CSMD1: variants seen among roughly 807,000 people sequenced by gnomAD.
CSMD1 encodes the protein CUB and sushi domain-containing protein 1.
In CSMD1, 213 loss-of-function variants were observed where a neutral mutation model predicts 417.5. That is an observed-to-expected ratio of 0.51 (90% confidence interval 0.46 to 0.57). CSMD1 has a LOEUF of 0.57. Among genes scored for constraint, CSMD1 ranks in the 20% least tolerant of loss-of-function variants. The pLI is 0.00. For synonymous variants in CSMD1, 2,862 were observed against 1,736.8 expected (o/e 1.65, Z -16.11); for missense variants, 6,923 against 4,529.7 (o/e 1.53, Z -15.17).
chr8:2,990,919 C>G (rs528640343), intron 54 of CSMD1, among the ~76,000 whole-genome samples: 26 of 152,320 alleles, frequency 1.7e-4, no homozygotes, highest in Admixed American at 1.2e-3. Context: ...CGCAGAACTG[C>G]TCTGGTCTTT....
chr8:3,163,085 T>C (rs746029675), intron 37 of CSMD1, among the ~76,000 whole-genome samples: 1 of 152,216 alleles, frequency 6.6e-6, no homozygotes, highest in Non-Finnish European at 1.5e-5. Context: ...CATTATGAGA[T>C]GAGCAAGTTC....
chr8:4,322,122 G>A (rs1799303940), intron 3 of CSMD1, among the ~76,000 whole-genome samples: 5 of 151,990 alleles, frequency 3.3e-5, no homozygotes, highest in Admixed American at 2.0e-4. Flanking sequence ...TAAAATATTG[G>A]ATCATTTTAT....
intron 37 of CSMD1, among the ~76,000 whole-genome samples, chr8:3,174,595 A>G (rs1820791762): frequency 6.6e-6 from 1 of 152,258 alleles, no homozygotes; most frequent in Non-Finnish European, 1.5e-5. Context: ...AACCTTTTAG[A>G]ATATAGAACT....
intron 5 of CSMD1, among the ~76,000 whole-genome samples, chr8:3,865,383 C>A (rs991096071): frequency 6.6e-6 from 1 of 152,144 alleles, no homozygotes; most frequent in Non-Finnish European, 1.5e-5. Context: ...TGAACACATT[C>A]CCTCAGTCCC....
chr8:4,678,359 C>A (rs1225973830), intron 1 of CSMD1, among the ~76,000 whole-genome samples: 1 of 151,912 alleles, frequency 6.6e-6, no homozygotes, highest in Non-Finnish European at 1.5e-5. Flanking sequence ...TGCAGTGAGC[C>A]AAGATCATGT....
At chr8:3,723,162 C>A (rs879483912) in intron 6 of CSMD1, among the ~76,000 whole-genome samples, 1 of 152,138 alleles carries the variant, frequency 6.6e-6, no homozygotes, top group Non-Finnish European at 1.5e-5. Flanking sequence ...CATCTTCTTG[C>A]TGGCTAATGA....
At chr8:4,173,819 C>A (rs1797894206) in intron 3 of CSMD1, among the ~76,000 whole-genome samples, 1 of 152,130 alleles carries the variant, frequency 6.6e-6, no homozygotes, top group Non-Finnish European at 1.5e-5. Flanking sequence ...GAGGAACAAT[C>A]TGATCAGGCT....
chr8:4,038,151 G>T (rs1013180292), intron 3 of CSMD1, among the ~76,000 whole-genome samples: 2 of 152,082 alleles, frequency 1.3e-5, no homozygotes, highest in Non-Finnish European at 2.9e-5. Context: ...GTGACACAAA[G>T]TTATAAATTT....
chr8:3,647,198 C>T (rs1797619055), intron 7 of CSMD1, among the ~76,000 whole-genome samples: 1 of 152,120 alleles, frequency 6.6e-6, no homozygotes, highest in African/African-American at 2.4e-5. Context: ...ATGTGAAAAC[C>T]TGCACTCTTT....
At chr8:3,595,784 G>A (rs1157545412) in intron 8 of CSMD1, among the ~76,000 whole-genome samples, 1 of 152,182 alleles carries the variant, frequency 6.6e-6, no homozygotes, top group Admixed American at 6.5e-5. Context: ...ACTTTGTCAT[G>A]CGAAGTAGAA....
At chr8:3,709,982 C>T (rs1738085709) in intron 6 of CSMD1, among the ~76,000 whole-genome samples, 1 of 151,720 alleles carries the variant, frequency 6.6e-6, no homozygotes, top group South Asian at 2.1e-4. Context: ...AGCTGAAAAC[C>T]TGATTATATC....
chr8:3,903,565 A>G (rs968683559), intron 5 of CSMD1, among the ~76,000 whole-genome samples: 1 of 152,196 alleles, frequency 6.6e-6, no homozygotes, highest in African/African-American at 2.4e-5. Flanking sequence ...TTCAATGTGT[A>G]GAATATTACG....
chr8:4,133,005 C>T (rs1803203156), intron 3 of CSMD1, among the ~76,000 whole-genome samples: 1 of 152,160 alleles, frequency 6.6e-6, no homozygotes, highest in African/African-American at 2.4e-5. Flanking sequence ...GCGATCTCGG[C>T]TCACTGCAAC....
intron 10 of CSMD1, among the ~76,000 whole-genome samples, chr8:3,506,822 G>T (rs958247022): frequency 6.6e-6 from 1 of 152,044 alleles, no homozygotes; most frequent in Non-Finnish European, 1.5e-5. Context: ...GCTTTTCAAG[G>T]TCTTAAATTT....
intron 10 of CSMD1, among the ~76,000 whole-genome samples, chr8:3,518,132 A>G (rs1376313113): frequency 6.7e-6 from 1 of 148,938 alleles, no homozygotes; most frequent in South Asian, 2.1e-4. Context: ...AATATTAACT[A>G]TTTCTAGAAA....
At chr8:4,175,459 G>C (rs34526147) in intron 3 of CSMD1, among the ~76,000 whole-genome samples, 1 of 97,412 alleles carries the variant, frequency 1.0e-5, no homozygotes, top group Non-Finnish European at 2.4e-5. Flanking sequence ...TTTTATGATA[G>C]CAAAAGCATC....
intron 2 of CSMD1, among the ~76,000 whole-genome samples, chr8:4,458,484 G>C (rs1435555301): frequency 6.6e-6 from 1 of 152,132 alleles, no homozygotes; most frequent in African/African-American, 2.4e-5. Context: ...TGCTAAGCAT[G>C]CATATTATGA....
chr8:4,794,134 T>C (rs754679568), intron 1 of CSMD1, among the ~76,000 whole-genome samples: 4 of 152,202 alleles, frequency 2.6e-5, no homozygotes, highest in Admixed American at 6.5e-5. Flanking sequence ...TAATGCTTTA[T>C]TCTCTAATAG....
chr8:3,059,391 C>A (rs1459732444), intron 49 of CSMD1, among the ~76,000 whole-genome samples: 2 of 151,880 alleles, frequency 1.3e-5, no homozygotes, highest in African/African-American at 4.8e-5. Context: ...ACAACTCATG[C>A]TTTTTAAGCA....
Sources: allele counts gnomAD v4.1 joint callset (sites outside exome capture counted in the v4.1 genomes callset), GRCh38; gene constraint gnomAD v4.1.1; transcripts MANE v1.5; gene names NCBI Gene and HGNC (gene_info 2026-07-23, HGNC 2026-07-21).